Variants in FOXP2 observed in about 807,000 individuals in gnomAD.
FOXP2 encodes the protein forkhead box P2, also known as forkhead box protein P2.
A neutral mutation model predicts 115.8 loss-of-function variants in FOXP2; 12 were observed. The observed-to-expected ratio is 0.10, with a 90% confidence interval of 0.07 to 0.17. The LOEUF is 0.17. Among genes scored for constraint, FOXP2 ranks in the 10% least tolerant of loss-of-function variants. The pLI is 1.00. For synonymous variants in FOXP2, 328 were observed against 297.7 expected, an observed-to-expected ratio of 1.10 and a Z score of -1.05; for missense variants, 629 against 843.5, an observed-to-expected ratio of 0.75 and a Z score of 3.15.
intron 2 of FOXP2, among the ~76,000 whole-genome samples, chr7:114,487,214 C>T (rs1026661996): frequency 6.6e-6 from 1 of 152,206 alleles, no homozygotes; most frequent in Admixed American, 6.5e-5. Flanking sequence ...TGTGCCCCAA[C>T]AGGATCAACA....
intron 2 of FOXP2, among the ~76,000 whole-genome samples, chr7:114,327,434 G>A (rs1176663846): frequency 6.6e-6 from 1 of 151,616 alleles, no homozygotes; most frequent in Non-Finnish European, 1.5e-5. Context: ...CACCAAAAAA[G>A]CACTATTAAA....
intron 2 of FOXP2, among the ~76,000 whole-genome samples, chr7:114,375,311 T>C (rs181693857): frequency 2.0e-4 from 31 of 151,996 alleles, no homozygotes; most frequent in African/African-American, 7.2e-4. Flanking sequence ...TCCTCGAGAG[T>C]ATAATGGTGT....
At chr7:114,229,699 A>G (rs1174730849) in intron 1 of FOXP2, among the ~76,000 whole-genome samples, 1 of 151,742 alleles carries the variant, frequency 6.6e-6, no homozygotes, top group Non-Finnish European at 1.5e-5. Context: ...GAGATTAAAA[A>G]AAACAAAAAC....
chr7:114,161,636 A>ATG (rs375791170), upstream of FOXP2, among the ~76,000 whole-genome samples: 413 of 150,546 alleles, frequency 2.7e-3, no homozygotes, highest in African/African-American at 9.6e-3. Flanking sequence ...AAACACGTGT[A>ATG]TGTGTGTGTG....
At chr7:114,418,892 G>T (rs1793472765) in intron 1 of FOXP2, among the ~76,000 whole-genome samples, 2 of 151,712 alleles carry the variant, frequency 1.3e-5, no homozygotes, top group South Asian at 4.2e-4. Context: ...TTCTAAATTG[G>T]AATAACAGTG....
At chr7:114,162,032 T>C (rs1792853023), upstream of FOXP2, among the ~76,000 whole-genome samples, 2 of 152,086 alleles carry the variant, frequency 1.3e-5, no homozygotes, top group African/African-American at 4.8e-5. Flanking sequence ...ATCTGCCTGC[T>C]TTGGCCTCCC....
At chr7:114,551,253 A>G (rs1018427492) in intron 3 of FOXP2, among the ~76,000 whole-genome samples, 1 of 152,218 alleles carries the variant, frequency 6.6e-6, no homozygotes, top group African/African-American at 2.4e-5. Flanking sequence ...TCGGTATGTT[A>G]GACACTTTGC....
At chr7:114,229,915 C>G (rs541130619) in intron 1 of FOXP2, among the ~76,000 whole-genome samples, 145 of 151,334 alleles carry the variant, frequency 9.6e-4, no homozygotes, top group African/African-American at 3.2e-3. Context: ...TAAATAGAGA[C>G]CCTAGAAAAG....
At chr7:114,515,716 A>G (rs1415105985) in intron 2 of FOXP2, among the ~76,000 whole-genome samples, 1 of 151,854 alleles carries the variant, frequency 6.6e-6, no homozygotes, top group Non-Finnish European at 1.5e-5. Flanking sequence ...GAAGCTCTTT[A>G]GTTTAATTAG....
intron 3 of FOXP2, among the ~76,000 whole-genome samples, chr7:114,599,847 T>TA (rs1156740367): frequency 2.0e-5 from 3 of 152,118 alleles, no homozygotes; most frequent in Admixed American, 6.6e-5. Flanking sequence ...GCTAAACTTT[T>TA]AAAAAAATTA....
At chr7:114,318,555 G>C (rs1387827155) in intron 2 of FOXP2, among the ~76,000 whole-genome samples, 2 of 151,580 alleles carry the variant, frequency 1.3e-5, no homozygotes, top group Admixed American at 1.3e-4. Context: ...AAAAATTACT[G>C]TTTCAGGTAC....
intron 2 of FOXP2, among the ~76,000 whole-genome samples, chr7:114,494,203 C>T (rs377492066): frequency 6.6e-6 from 1 of 152,060 alleles, no homozygotes; most frequent in East Asian, 1.9e-4. Flanking sequence ...TTTATAAAAA[C>T]TTAAAGTATT....
intron 1 of FOXP2, among the ~76,000 whole-genome samples, chr7:114,238,269 CT>C (rs34893739): frequency 0.57 from 85,633 of 149,972 alleles, 26,182 homozygotes; most frequent in Admixed American, 0.74. Flanking sequence ...GATTTTAACA[CT>C]TTTTTTTTTT....
chr7:114,628,699 G>T, intron 4 of FOXP2, 22 bp downstream of exon 4: 2 of 1,613,758 alleles, frequency 1.2e-6, no homozygotes, highest in Non-Finnish European at 1.7e-6. Context: ...TACCTGCTTT[G>T]GTGTTCTAGC....
At chr7:114,564,397 A>G (rs1180659098) in intron 3 of FOXP2, among the ~76,000 whole-genome samples, 1 of 152,154 alleles carries the variant, frequency 6.6e-6, no homozygotes, top group East Asian at 1.9e-4. Flanking sequence ...CTTAGGATCC[A>G]TGGATAGAAT....
intron 1 of FOXP2, among the ~76,000 whole-genome samples, chr7:114,171,372 A>C (rs1793135166): frequency 6.6e-6 from 1 of 152,170 alleles, no homozygotes; most frequent in Non-Finnish European, 1.5e-5. Context: ...CAGGAGTTCA[A>C]AACCAGCCTG....
At chr7:114,121,773 T>A (rs1791573989) in intron 1 of FOXP2, among the ~76,000 whole-genome samples, 1 of 152,148 alleles carries the variant, frequency 6.6e-6, no homozygotes, top group African/African-American at 2.4e-5. Flanking sequence ...TTGTGCTTAG[T>A]GTTTTAAAGA....
chr7:114,134,294 C>T lies in FOXP2; in HGVS notation c.-246-28650C>T, dbSNP rs371715968. On this transcript the variant is annotated intron_variant, in intron 1 of 19. Transcript: ENST00000635638. Reference sequence around the variant, plus strand: ...GGAAGGAGGATATTTAGAGACAGAGCTGTGGGGCATGAGTGTAGTCCCTTG... The same window carrying T: ...GGAAGGAGGATATTTAGAGACAGAGTTGTGGGGCATGAGTGTAGTCCCTTG... 1.7e-3 allele frequency among the ~76,000 whole-genome samples: 252 copies of T among 152,256 alleles called. 6 individuals carry two copies. In the South Asian group the frequency reaches 0.049, roughly 30 times the overall value.
chr7:114,614,391 A>G (rs2129319772), intron 3 of FOXP2, among the ~76,000 whole-genome samples: 1 of 152,280 alleles, frequency 6.6e-6, no homozygotes, highest in African/African-American at 2.4e-5. Flanking sequence ...TCTTTTTCAT[A>G]TTGACCTATA....
Sources: gnomAD v4.1 joint callset for allele counts (sites outside exome capture counted in the v4.1 genomes callset) on GRCh38, gnomAD v4.1.1 for gene constraint, MANE v1.5 for transcripts, NCBI Gene and HGNC (gene_info 2026-07-23, HGNC 2026-07-21) for gene names.